Variants in LMO1 observed in about 807,000 individuals in gnomAD.
LMO1 encodes the protein LIM domain only 1, also known as rhombotin-1.
In LMO1, 10 loss-of-function variants were observed where a neutral mutation model predicts 18.0. The ratio of observed to expected loss-of-function variants is 0.55; its 90% confidence interval spans 0.34 to 0.94. The LOEUF is 0.94. Among genes scored for constraint, LMO1 ranks in the 40% least tolerant of loss-of-function variants. LMO1 has a pLI of 0.02. For missense variants in LMO1, 183 were observed against 205.7 expected (o/e 0.89, Z 0.68); for synonymous variants, 77 against 77.9 (o/e 0.99, Z 0.06).
intron 1 of LMO1, among the ~76,000 whole-genome samples, chr11:8,253,617 T>C (rs1847040997): frequency 1.3e-5 from 2 of 151,978 alleles, no homozygotes; most frequent in African/African-American, 4.8e-5. Flanking sequence ...GATACTGTCG[T>C]CAGGATTGGG....
intron 1 of LMO1, among the ~76,000 whole-genome samples, chr11:8,247,582 G>A (rs1005968213): frequency 9.9e-5 from 15 of 152,238 alleles, no homozygotes; most frequent in Non-Finnish European, 4.4e-5. Flanking sequence ...AGCGGCTCAG[G>A]CCTCATCTCC....
intron 1 of LMO1, among the ~76,000 whole-genome samples, chr11:8,246,905 G>A (rs551805304): frequency 1.3e-5 from 2 of 152,038 alleles, no homozygotes; most frequent in Non-Finnish European, 2.9e-5. Context: ...CCCCCTGCTG[G>A]GATGAAAGGG....
At chr11:8,257,168 C>T (rs1049920906) in intron 1 of LMO1, among the ~76,000 whole-genome samples, 6 of 152,214 alleles carry the variant, frequency 3.9e-5, no homozygotes, top group African/African-American at 1.2e-4. Flanking sequence ...TACAGAATCT[C>T]TTGCAAGCCA....
intron 1 of LMO1, among the ~76,000 whole-genome samples, chr11:8,248,470 C>T (rs1408745357): frequency 6.6e-6 from 1 of 152,206 alleles, no homozygotes; most frequent in Non-Finnish European, 1.5e-5. Context: ...TACAGACAGA[C>T]CACTATACAG....
chr11:8,268,394 C>T, upstream of LMO1: 2 of 1,466,596 alleles, frequency 1.4e-6, no homozygotes, highest in Non-Finnish European at 1.8e-6. Flanking sequence ...CCCGCGTGCC[C>T]CCGGGCACCG....
chr11:8,230,002 G>T (rs113245424), intron 2 of LMO1, among the ~76,000 whole-genome samples: 146 of 152,346 alleles, frequency 9.6e-4, no homozygotes, highest in African/African-American at 3.3e-3. Flanking sequence ...AAGGCAGGGG[G>T]GCGGAGCCAG....
intron 3 of LMO1, 126 bp from the exon 4 acceptor site, chr11:8,224,847 C>T (rs1952505533): frequency 1.5e-6 from 1 of 671,870 alleles, no homozygotes; most frequent in African/African-American, 1.8e-5. Flanking sequence ...GAGTTTGTTC[C>T]TTGAACCTTC....
chr11:8,232,381 T>C (rs1415850009), intron 1 of LMO1, among the ~76,000 whole-genome samples: 2 of 152,202 alleles, frequency 1.3e-5, no homozygotes, highest in Non-Finnish European at 2.9e-5. Context: ...GGGGAGCAGA[T>C]ACCCCTGAGA....
intron 1 of LMO1, among the ~76,000 whole-genome samples, chr11:8,239,982 G>T (rs1038559079): frequency 3.9e-5 from 6 of 152,196 alleles, no homozygotes; most frequent in African/African-American, 1.4e-4. Context: ...TTGCCCAAGG[G>T]TAAAGCCACC....
At chr11:8,237,097 C>T (rs550852480) in intron 1 of LMO1, among the ~76,000 whole-genome samples, 6 of 152,024 alleles carry the variant, frequency 3.9e-5, no homozygotes, top group Admixed American at 6.6e-5. Flanking sequence ...CCACGTGCAA[C>T]GTCAGACATT....
At chr11:8,237,452 C>T (rs910641375) in intron 1 of LMO1, among the ~76,000 whole-genome samples, 6 of 152,230 alleles carry the variant, frequency 3.9e-5, no homozygotes, top group East Asian at 1.9e-4. Context: ...CACAATTTCT[C>T]GTCTCACTGC....
At chr11:8,238,969 G>A (rs1952808144) in intron 1 of LMO1, among the ~76,000 whole-genome samples, 1 of 152,208 alleles carries the variant, frequency 6.6e-6, no homozygotes, top group Admixed American at 6.5e-5. Flanking sequence ...ACTGTGCCAG[G>A]TGCTGGGCTA....
intron 1 of LMO1, among the ~76,000 whole-genome samples, chr11:8,260,189 C>G (rs991294498): frequency 6.6e-6 from 1 of 152,206 alleles, no homozygotes; most frequent in Non-Finnish European, 1.5e-5. Flanking sequence ...GGCCTCTTCT[C>G]GAACAGCCCA....
chr11:8,233,261 G>A (rs1952701713), intron 1 of LMO1, among the ~76,000 whole-genome samples: 1 of 152,004 alleles, frequency 6.6e-6, no homozygotes, highest in African/African-American at 2.4e-5. Context: ...GAGACCCTTG[G>A]GTCTAGAGAC....
At chr11:8,264,511 T>C (rs1847241279), upstream of LMO1, among the ~76,000 whole-genome samples, 1 of 152,212 alleles carries the variant, frequency 6.6e-6, no homozygotes, top group South Asian at 2.1e-4. Flanking sequence ...AAAGAGACAG[T>C]GCCCATCTCT....
chr11:8,249,313 G>A (rs977559601), intron 1 of LMO1, among the ~76,000 whole-genome samples: 1 of 152,184 alleles, frequency 6.6e-6, no homozygotes, highest in Non-Finnish European at 1.5e-5. Flanking sequence ...CCAGAGGGAT[G>A]AGGAGAGGTC....
chr11:8,232,556 G>A (rs1016266204), intron 1 of LMO1, among the ~76,000 whole-genome samples: 1 of 152,180 alleles, frequency 6.6e-6, no homozygotes, highest in East Asian at 1.9e-4. Context: ...TAGGCCCTGT[G>A]CAGGGAGCAT....
intron 1 of LMO1, among the ~76,000 whole-genome samples, chr11:8,252,221 A>C (rs1345176837): frequency 6.6e-6 from 1 of 152,134 alleles, no homozygotes; most frequent in Non-Finnish European, 1.5e-5. Flanking sequence ...GACACAACCT[A>C]GTCCTCTGCA....
At position 8,263,256 on chromosome 11, in the gene LMO1, C is replaced by T. The variant is rs1314778612; in HGVS notation, c.25+82G>A. The T allele has an allele frequency of 4.2e-6, 6 of 1,440,226 alleles. No individual in the cohort carries two copies. In the Admixed American group the frequency reaches 9.1e-5, roughly 22 times the overall value. 89.2% of individuals were successfully genotyped at this position (1,440,226 alleles called of 1,614,324 possible). A position where few individuals can be genotyped will look rare whatever the true frequency, so the allele number is the denominator to read the frequency against. ...CCGCACAGCCCAGCAGGTGTGCGCC[C>T]GTGTCCCCGCGTGTGTGTGCCTGCG... On this transcript the variant is annotated intron_variant, in intron 1 of 3. Coordinates refer to ENST00000335790, the MANE Select transcript of LMO1 (RefSeq NM_002315.3).
Sources: gnomAD v4.1 joint callset for allele counts (sites outside exome capture counted in the v4.1 genomes callset) on GRCh38, gnomAD v4.1.1 for gene constraint, MANE v1.5 for transcripts, NCBI Gene and HGNC (gene_info 2026-07-23, HGNC 2026-07-21) for gene names.